TMOD4: variants seen among roughly 807,000 people sequenced by gnomAD.
The protein encoded by TMOD4 is tropomodulin 4.
In TMOD4, 34 loss-of-function variants were observed where a neutral mutation model predicts 45.4. That is an observed-to-expected ratio of 0.75 (90% CI 0.57 to 1.00). The LOEUF (loss-of-function observed/expected upper bound fraction) is 1.00. Ranked by LOEUF, TMOD4 falls within the 50% of genes least tolerant of loss-of-function variation. The pLI is 0.00. For synonymous variants in TMOD4, 131 were observed against 153.9 expected, an observed-to-expected ratio of 0.85 and a Z score of 1.10; for missense variants, 399 against 437.5, an observed-to-expected ratio of 0.91 and a Z score of 0.78.
intron 3 of TMOD4, among the ~76,000 whole-genome samples, chr1:151,173,922 C>T (rs1188271658): frequency 6.7e-6 from 1 of 149,794 alleles, no homozygotes; most frequent in Non-Finnish European, 1.5e-5. Context: ...ACTAAAAATA[C>T]AAAAAATTAG....
chr1:151,173,705 T>C, intron 3 of TMOD4, 90 bp from the exon 4 acceptor site: 1 of 1,001,648 alleles, frequency 1.0e-6, no homozygotes, highest in Non-Finnish European at 1.6e-6. Context: ...GGAGGTAGAA[T>C]GCTGCGTCAC....
rs1684016504 is a variant in TMOD4 at position 151,173,498 on chromosome 1, C to A, written c.397+1G>T. Reference sequence around the variant, plus strand: ...ACCCTCAACTTCCCACAGCTACCCACCTGCAATGTCACACATTTCAGCATC... The same window carrying A: ...ACCCTCAACTTCCCACAGCTACCCAACTGCAATGTCACACATTTCAGCATC... On this transcript the variant is annotated splice_donor_variant, in intron 4 of 9. Transcript: ENST00000295314. LOFTEE classifies it high-confidence loss of function. 13 of 1,612,790 alleles carry A rather than the reference C, an allele frequency of 8.1e-6. No homozygotes were observed. The highest frequency in any genetic ancestry group is 1.1e-5 in the Non-Finnish European group (13 of 1,178,774).
In TMOD4 at chr1:151,174,507, G is replaced by C; in HGVS notation, c.164C>G (p.Thr55Arg). ...LPAGLRQRDQ[T>R]KKSPTGPLDR... ...CAGTGGCCCCGTTGGGCTCTTCTTTGTCTGGTCACGTTGTCTTAGTCCAGC... is the reference window on the plus strand; with the variant it reads ...CAGTGGCCCCGTTGGGCTCTTCTTTCTCTGGTCACGTTGTCTTAGTCCAGC... Residue 55 changes from threonine to arginine, a missense_variant, in exon 3 of 10, where the codon ACA becomes AGA. Physicochemically the swap from Thr to Arg is moderately conservative, Grantham distance 71 (BLOSUM62 -1). Transcript: ENST00000295314. The C allele has an allele frequency of 1.9e-6, 3 of 1,614,140 alleles. No individual in the cohort carries two copies. The highest frequency in any genetic ancestry group is 2.5e-6 in the Non-Finnish European group (3 of 1,180,030).
chr1:151,175,042 G>A, intron 1 of TMOD4, 125 bp from the exon 2 acceptor site: 1 of 749,094 alleles, frequency 1.3e-6, no homozygotes, highest in Non-Finnish European at 2.1e-6. Context: ...AAGTCTAGTT[G>A]AGGATGGGAA....
rs150064822 is a variant in TMOD4, at chr1:151,170,615, C to G, written c.919G>C (p.Glu307Gln). 21 of 1,614,060 alleles carry G rather than the reference C, an allele frequency of 1.3e-5. No individual in the cohort carries two copies. Among genetic ancestry groups the G allele is most frequent in the Admixed American group, 3.3e-5 (2 of 59,996 alleles). Residue 307 changes from glutamate to glutamine, a missense_variant, in exon 9 of 10, where the codon GAG becomes CAG. By Grantham distance (29) the Glu-to-Gln change is conservative. Coordinates refer to ENST00000295314, the MANE Select transcript of TMOD4 (RefSeq NM_013353.3). ...AVEMEMATVL[E>Q]QCPSIVRFGY... ...AAGCGGACAATAGAGGGACACTGCT[C>G]TAGCACGGTGGCCATCTCCATCTCC...
chr1:151,170,087 CT>C lies in TMOD4; in HGVS notation c.1031del (p.Lys344ArgfsTer11). On this transcript the variant is annotated frameshift_variant, in exon 10 of 10. Transcript: ENST00000295314. LOFTEE classifies it high-confidence loss of function. ...RNNELRRQQK[K>X]R ...GGTAAAGGGAAATGCAGTGTTATCT[CT>C]TCTTTTGCTGGCGACCTGTAAAGGA... is the stretch of plus-strand genomic sequence containing the variant. The C allele has an allele frequency of 6.2e-7, 1 of 1,614,190 alleles. No homozygotes were observed. Among genetic ancestry groups the C allele is most frequent in the Non-Finnish European group, 8.5e-7 (1 of 1,180,026 alleles).
Position 151,174,832 on chromosome 1 carries a change from T to C in TMOD4, c.44A>G (p.Asp15Gly), listed in dbSNP as rs903262280. The C allele has an allele frequency of 2.5e-6, 4 of 1,614,202 alleles. No homozygotes were observed. The highest frequency in any genetic ancestry group is 2.2e-5 in the South Asian group (2 of 91,090). The stretch of plus-strand genomic sequence containing the variant: ...CAAGGTCCTTAGGATCTCATCTTCA[T>C]CTATGTCTCTGTATTTCTCCAGTTC... ...QKELEKYRDI[D>G]EDEILRTLSP... is the part of the protein sequence containing the mutation. Residue 15 changes from aspartate (D) to glycine (G), a missense_variant, in exon 2 of 10, where the codon GAT becomes GGT. Physicochemically the swap from Asp to Gly is moderately conservative, Grantham distance 94. Coordinates refer to ENST00000295314, the MANE Select transcript of TMOD4 (RefSeq NM_013353.3).
Position 151,171,701 on chromosome 1 carries a change from C to G in TMOD4, c.550G>C (p.Glu184Gln). ...CTTCGGACCCTCTTTAGTATCTCCT[C>G]AATGTTTGTGGGATTTGGGGGTTCA... Reference protein sequence around the residue: ...PDEPPNPTNIEEILKRVRSND... With the variant: ...PDEPPNPTNIQEILKRVRSND... Residue 184 changes from glutamate (E) to glutamine (Q), a missense_variant, in exon 6 of 10, where the codon GAG becomes CAG. By Grantham distance (29) the Glu-to-Gln change is conservative (BLOSUM62 2). Transcript: ENST00000295314. 2 of 1,614,090 alleles carry G rather than the reference C, an allele frequency of 1.2e-6. No individual in the cohort carries two copies. The highest frequency in any genetic ancestry group is 2.2e-5 in the South Asian group (2 of 91,082).
Position 151,171,743 on chromosome 1 carries a change from A to T in TMOD4, c.508T>A (p.Tyr170Asn). 1 of 1,613,738 alleles carries T rather than the reference A, an allele frequency of 6.2e-7. No homozygotes were observed. The highest frequency in any genetic ancestry group is 1.3e-5 in the African/African-American group (1 of 74,856). ...GISSVVQPDKYKPVPDEPPNP... is the reference protein window; with the variant it reads ...GISSVVQPDKNKPVPDEPPNP... ...GGGGGTTCATCCGGCACTGGCTTAT[A>T]CTTGTCAGGCTGTACCACACCTGGT... The change falls in exon 6 of 10, where the codon TAT (tyrosine) becomes AAT (asparagine). Residue 170 changes from tyrosine (Y) to asparagine (N), a missense_variant. Coordinates refer to ENST00000295314, the MANE Select transcript of TMOD4 (RefSeq NM_013353.3).
At chr1:151,171,837 T>C in intron 5 of TMOD4, 74 bp from the exon 6 acceptor site, 2 of 1,494,474 alleles carry the variant, frequency 1.3e-6, no homozygotes, top group Non-Finnish European at 1.8e-6. Context: ...TCTTTTCTTT[T>C]CTTTTTTTTT....
intron 8 of TMOD4, 89 bp downstream of exon 8, chr1:151,170,831 A>C: frequency 6.5e-7 from 1 of 1,543,694 alleles, no homozygotes; most frequent in Non-Finnish European, 8.8e-7. Flanking sequence ...AATTCAAGCA[A>C]GATTAAGTAA....
intron 9 of TMOD4, 86 bp from the exon 10 acceptor site, chr1:151,170,189 C>G: frequency 6.5e-7 from 1 of 1,529,966 alleles, no homozygotes; most frequent in Non-Finnish European, 9.0e-7. Context: ...GTCCCTTAGC[C>G]AAACTCATAA....
chr1:151,170,414 T>TTTG, intron 9 of TMOD4, 105 bp downstream of exon 9: 2 of 1,523,596 alleles, frequency 1.3e-6, no homozygotes, highest in African/African-American at 2.7e-5. Flanking sequence ...TGAATAGCTC[T>TTTG]TTGGTAGCAC....
At chr1:151,174,017 C>T (rs1162898377) in intron 3 of TMOD4, among the ~76,000 whole-genome samples, 3 of 152,068 alleles carry the variant, frequency 2.0e-5, no homozygotes, top group Non-Finnish European at 4.4e-5. Context: ...AGATCGAGAC[C>T]ATCCTGGCTA....
intron 3 of TMOD4, among the ~76,000 whole-genome samples, 171 bp downstream of exon 3, chr1:151,174,220 A>G (rs1380971198): frequency 1.3e-5 from 2 of 152,044 alleles, no homozygotes; most frequent in Admixed American, 1.3e-4. Context: ...CGTCTCAAAC[A>G]AAAAGAAAAA....
chr1:151,172,644 TC>T (rs587651328), intron 4 of TMOD4, among the ~76,000 whole-genome samples: 3 of 151,826 alleles, frequency 2.0e-5, no homozygotes, highest in Non-Finnish European at 4.4e-5. Context: ...CCACTTTTTT[TC>T]CCCCCGAGAC....
chr1:151,170,241 T>TAACAA lies in TMOD4; in HGVS notation c.1016-143_1016-139dup, dbSNP rs1320039948. 8.0e-6 allele frequency: 8 copies of TAACAA among 1,001,876 alleles called. No homozygotes were observed. In the African/African-American group the frequency reaches 1.1e-4, roughly 14 times the overall value. The allele number at this position is 1,001,876 out of a possible 1,614,324, so 62.1% of individuals were successfully genotyped here. A position where few individuals can be genotyped will look rare whatever the true frequency, so the allele number is the denominator to read the frequency against. On this transcript the variant is annotated intron_variant, in intron 9 of 9. Coordinates refer to ENST00000295314, the MANE Select transcript of TMOD4 (RefSeq NM_013353.3). ...GCCACCTTACAGGCCCATCCCACAT[T>TAACAA]AACAAAACAAAACAAGAAACCACAC...
chr1:151,170,466 C>T (rs1683914552), intron 9 of TMOD4, 53 bp downstream of exon 9: 3 of 1,606,084 alleles, frequency 1.9e-6, no homozygotes. Flanking sequence ...GGAGGATCCA[C>T]CAATTTCTGC....
Position 151,172,368 on chromosome 1 carries a change from TAAG to T in TMOD4, c.398-14_398-12del. On this transcript the variant is annotated splice_polypyrimidine_tract_variant and intron_variant, in intron 4 of 9. Coordinates refer to ENST00000295314, the MANE Select transcript of TMOD4 (RefSeq NM_013353.3). ...ACATGTCCAGAATTGCTGGAGAGGG[TAAG>T]AAGAGGAGTCACAGGGAATGAGAAG... 3 of 1,605,308 alleles carry T rather than the reference TAAG, an allele frequency of 1.9e-6. No individual in the cohort carries two copies. Among genetic ancestry groups the T allele is most frequent in the Non-Finnish European group, 8.5e-7 (1 of 1,172,330 alleles).
Sources: gnomAD v4.1 joint callset for allele counts (sites outside exome capture counted in the v4.1 genomes callset) on GRCh38, gnomAD v4.1.1 for gene constraint, MANE v1.5 for transcripts, NCBI Gene and HGNC (gene_info 2026-07-23, HGNC 2026-07-21) for gene names.